The following HMCN2 variants were observed in gnomAD, a reference collection of about 807,000 sequenced individuals.
The protein encoded by HMCN2 is hemicentin-2.
In HMCN2, 325 loss-of-function variants were observed where a neutral mutation model predicts 377.5. The ratio of observed to expected loss-of-function variants is 0.86; its 90% CI spans 0.79 to 0.94. The LOEUF is 0.94. HMCN2 is among the 40% of genes least tolerant of loss of function. The pLI, the probability that HMCN2 is intolerant of heterozygous loss-of-function variation, is 0.00. For missense variants in HMCN2, 4,543 were observed against 4,725.3 expected (o/e 0.96, Z 1.13); for synonymous variants, 2,007 against 2,046.8 (o/e 0.98, Z 0.53).
chr9:130,330,179 T>C (rs1333754759), intron 22 of HMCN2, among the ~76,000 whole-genome samples: 1 of 151,898 alleles, frequency 6.6e-6, no homozygotes, highest in Non-Finnish European at 1.5e-5. Flanking sequence ...GCTCATCTCT[T>C]GACAGGGGCC....
rs2131769561 is a variant in HMCN2 at position 130,414,760 on chromosome 9, A to G, written c.12962-4012A>G. Among the ~76,000 whole-genome samples the G allele has an allele frequency of 6.6e-6, 1 of 151,828 alleles. No individual in the cohort carries two copies. The highest frequency in any genetic ancestry group is 2.4e-5 in the African/African-American group (1 of 41,384). ...TGGGACTGCAGGCACGTGCCACCAC[A>G]CCCGGCTAATTTTTATTTTTATGTA... On this transcript the variant is annotated intron_variant, in intron 85 of 97. Transcript: ENST00000683500. The surrounding 1 kb of genome is among the most constrained non-coding windows in gnomAD (Gnocchi z 4.4).
At chr9:130,384,563 TC>T in intron 58 of HMCN2, 29 bp downstream of exon 58, 2 of 1,304,096 alleles carry the variant, frequency 1.5e-6, no homozygotes, top group Non-Finnish European at 1.0e-6. Context: ...CCGGCCCAGC[TC>T]TAAGGTTACA....
In HMCN2 at chr9:130,425,038, C is replaced by T. The variant is rs758289772; in HGVS notation, c.13549C>T (p.Arg4517Trp). The change falls in exon 89 of 98, where the codon CGG becomes TGG. Residue 4517 changes from arginine (R) to tryptophan (W), a missense_variant. Around this residue, in one of 5 missense-constraint regions of HMCN2, gnomAD observed 1,155 missense variants for 1,157.7 expected, o/e 1.00. Coordinates refer to ENST00000683500, the MANE Select transcript of HMCN2 (RefSeq NM_001291815.2). ...GELLTMTQVA[R>W]GLDPDGLLLL... ...GCTGCTCACGATGACCCAGGTGGCC[C>T]GGGGTCTGGATCCCGATGGCCTCCT... 67 of 1,549,692 alleles carry T rather than the reference C, an allele frequency of 4.3e-5. No individual in the cohort carries two copies. Among genetic ancestry groups the T allele is most frequent in the East Asian group, 7.3e-5 (3 of 40,914 alleles).
intron 15 of HMCN2, among the ~76,000 whole-genome samples, chr9:130,310,682 T>C (rs28969652): frequency 4.9e-5 from 7 of 143,506 alleles, no homozygotes; most frequent in South Asian, 4.6e-4. Flanking sequence ...CACGAGGAGG[T>C]GGGGGCTACC....
At chr9:130,340,330 G>A (rs1212186512) in intron 23 of HMCN2, among the ~76,000 whole-genome samples, 4 of 152,352 alleles carry the variant, frequency 2.6e-5, no homozygotes, top group East Asian at 3.9e-4. Flanking sequence ...CCCGCAGGGC[G>A]GGAGGGGTTG....
chr9:130,398,078 G>A (rs1032284936), intron 74 of HMCN2, among the ~76,000 whole-genome samples: 7 of 145,890 alleles, frequency 4.8e-5, no homozygotes, highest in African/African-American at 1.6e-4. Context: ...ACTTGAGCCC[G>A]GGAGTTTCAG....
At position 130,376,604 on chromosome 9, in the gene HMCN2, G is replaced by A. The variant is rs1841393527; in HGVS notation, c.8007G>A (p.Glu2669=). The part of the protein sequence containing the change: ...KTKVNSTLTL[E]CESWAVPPPT... Reference sequence around the variant, plus strand: ...AGGTCAACAGCACCTTGACCTTGGAGTGTGAGAGCTGGGCTGTGCCCCCGC... The same window carrying A: ...AGGTCAACAGCACCTTGACCTTGGAATGTGAGAGCTGGGCTGTGCCCCCGC... The change falls in exon 52 of 98, where the codon GAG becomes GAA. Residue 2669 remains glutamate, a synonymous_variant. Transcript: ENST00000683500. 4.1e-6 allele frequency: 4 copies of A among 985,856 alleles called. No homozygotes were observed. The highest frequency in any genetic ancestry group is 3.6e-6 in the Non-Finnish European group (3 of 829,932). 61.1% of individuals were successfully genotyped at this position (985,856 alleles called of 1,614,324 possible).
At chr9:130,410,847 A>C (rs1843370035) in intron 85 of HMCN2, among the ~76,000 whole-genome samples, 195 bp downstream of exon 85, 1 of 152,120 alleles carries the variant, frequency 6.6e-6, no homozygotes, top group Non-Finnish European at 1.5e-5. Context: ...AGCTAAAGAA[A>C]ACCTGGCAAC....
At chr9:130,410,994 A>G (rs1485587186) in intron 85 of HMCN2, among the ~76,000 whole-genome samples, 1 of 152,194 alleles carries the variant, frequency 6.6e-6, no homozygotes, top group African/African-American at 2.4e-5. Flanking sequence ...AGTTGTCTCA[A>G]TAGGGATTCT....
intron 1 of HMCN2, among the ~76,000 whole-genome samples, chr9:130,271,497 C>A (rs762754272): frequency 6.7e-6 from 1 of 149,200 alleles, no homozygotes; most frequent in South Asian, 2.2e-4. Context: ...TTATTTTGCT[C>A]CTCAAATGTT....
At chr9:130,328,008 G>A (rs1301449909) in intron 22 of HMCN2, among the ~76,000 whole-genome samples, 1 of 152,218 alleles carries the variant, frequency 6.6e-6, no homozygotes, top group East Asian at 1.9e-4. Flanking sequence ...CCCAGGAGGG[G>A]ATGTGGGGGA....
chr9:130,425,206 G>C, intron 89 of HMCN2, 76 bp downstream of exon 89: 1 of 1,437,160 alleles, frequency 7.0e-7, no homozygotes, highest in South Asian at 1.4e-5. Flanking sequence ...AACCACCCCT[G>C]AGCAGCCAGG....
intron 54 of HMCN2, among the ~76,000 whole-genome samples, chr9:130,380,159 C>T (rs576652603): frequency 2.0e-3 from 305 of 152,360 alleles, no homozygotes; most frequent in African/African-American, 2.7e-3. Flanking sequence ...GGATTATAGG[C>T]GTGAGCCACC....
chr9:130,363,031 G>A (rs547476777), intron 40 of HMCN2, 41 bp downstream of exon 40: 552 of 985,910 alleles, frequency 5.6e-4, no homozygotes, highest in Non-Finnish European at 6.3e-4. Flanking sequence ...TCAGAGCAGC[G>A]GGGGAGATGG....
chr9:130,398,782 G>C lies in HMCN2; in HGVS notation c.11483+75G>C, dbSNP rs566807527. On this transcript the variant is annotated intron_variant, in intron 75 of 97. Coordinates refer to ENST00000683500, the MANE Select transcript of HMCN2 (RefSeq NM_001291815.2). The stretch of plus-strand genomic sequence containing the variant: ...GGCACTCTCTTCTCACGGGGGCATG[G>C]GGCAGGGACGGGGCGGGGTGTGCTC... The C allele has an allele frequency of 3.3e-5, 39 of 1,192,874 alleles. No individual in the cohort carries two copies. The South Asian group carries it at 4.9e-4, about 15-fold the overall frequency. 73.9% of individuals were successfully genotyped at this position (1,192,874 alleles called of 1,614,324 possible).
chr9:130,416,879 G>A (rs1363164339), intron 85 of HMCN2, among the ~76,000 whole-genome samples: 9 of 151,258 alleles, frequency 6.0e-5, no homozygotes, highest in South Asian at 4.2e-4. Flanking sequence ...ACATTATCTC[G>A]GAGGCCCCTA....
intron 1 of HMCN2, among the ~76,000 whole-genome samples, chr9:130,272,959 T>C (rs1371132897): frequency 6.6e-6 from 1 of 152,240 alleles, no homozygotes; most frequent in African/African-American, 2.4e-5. Flanking sequence ...CAAAAATTTT[T>C]TTCTACTGTG....
At chr9:130,398,066 T>C (rs1842691288) in intron 74 of HMCN2, among the ~76,000 whole-genome samples, 1 of 134,212 alleles carries the variant, frequency 7.5e-6, no homozygotes, top group East Asian at 2.3e-4. Flanking sequence ...GGTGGGAGGA[T>C]CACTTGAGCC....
In HMCN2 at chr9:130,432,484, C is replaced by T; in HGVS notation, c.14823C>T (p.Phe4941=). ...AGTGTGGACCCGGCCAGATGTGCTT[C>T]AACACCCGTGGCAGCTACCAGTGTG... ...SIECGPGQMC[F]NTRGSYQCVD... Residue 4941 remains phenylalanine (F), a synonymous_variant, in exon 97 of 98, where the codon TTC becomes TTT. Coordinates refer to ENST00000683500, the MANE Select transcript of HMCN2 (RefSeq NM_001291815.2). 6.4e-7 allele frequency: 1 copy of T among 1,550,836 alleles called. No individual in the cohort carries two copies. The highest frequency in any genetic ancestry group is 8.7e-7 in the Non-Finnish European group (1 of 1,147,030).
Sources: gnomAD v4.1 joint callset for allele counts (sites outside exome capture counted in the v4.1 genomes callset) on GRCh38, gnomAD v4.1.1 for gene constraint, gnomAD v4.1.1 regional missense constraint, Gnocchi (gnomAD v3.1) non-coding constraint, MANE v1.5 for transcripts, NCBI Gene and HGNC (gene_info 2026-07-23, HGNC 2026-07-21) for gene names.